Variants in HTR3B observed in about 807,000 individuals in gnomAD.
HTR3B encodes the protein 5-hydroxytryptamine (serotonin) receptor 3B, ionotropic.
A neutral mutation model predicts 42.8 loss-of-function variants in HTR3B; 44 were observed. The observed-to-expected ratio is 1.03, with a 90% confidence interval of 0.81 to 1.32. HTR3B has a LOEUF of 1.32. Ranked by LOEUF, HTR3B falls within the 40% of genes most tolerant of loss-of-function variation. The pLI is 0.00. For missense variants in HTR3B, 527 were observed against 536.5 expected, an observed-to-expected ratio of 0.98 and a Z score of 0.17; for synonymous variants, 203 against 209.0, an observed-to-expected ratio of 0.97 and a Z score of 0.25.
intron 4 of HTR3B, among the ~76,000 whole-genome samples, 154 bp downstream of exon 4, chr11:113,932,021 T>C (rs114388666): frequency 0.025 from 3,844 of 152,300 alleles, 174 homozygotes; most frequent in African/African-American, 0.088. Flanking sequence ...TGCCATGTGT[T>C]GACATTATTT....
At chr11:113,910,159 G>GA (rs1252641735) in intron 2 of HTR3B, among the ~76,000 whole-genome samples, 1 of 151,964 alleles carries the variant, frequency 6.6e-6, no homozygotes, top group Non-Finnish European at 1.5e-5. Context: ...TTAAAAGAGA[G>GA]AAAAAAATGC....
At chr11:113,914,514 G>T (rs1949832726) in intron 2 of HTR3B, among the ~76,000 whole-genome samples, 1 of 151,454 alleles carries the variant, frequency 6.6e-6, no homozygotes, top group South Asian at 2.1e-4. Context: ...AGACAGTCTT[G>T]CTCTGTTGCC....
At chr11:113,902,636 A>C (rs1175511254), upstream of HTR3B, among the ~76,000 whole-genome samples, 1 of 152,154 alleles carries the variant, frequency 6.6e-6, no homozygotes, top group Admixed American at 6.5e-5. Context: ...GGTCTTACAA[A>C]CAAGGACATT....
intron 2 of HTR3B, among the ~76,000 whole-genome samples, chr11:113,915,844 AT>A (rs767250014): frequency 6.6e-6 from 1 of 151,018 alleles, no homozygotes; most frequent in Admixed American, 6.6e-5. Context: ...CAATCTTTAA[AT>A]GTTTTTTTTT....
chr11:113,914,206 G>A (rs546712667), intron 2 of HTR3B, among the ~76,000 whole-genome samples: 58 of 151,964 alleles, frequency 3.8e-4, no homozygotes, highest in Non-Finnish European at 7.2e-4. Flanking sequence ...AGTGGCTTAC[G>A]CCTGTAATCC....
At chr11:113,918,744 C>T (rs569240416) in intron 2 of HTR3B, among the ~76,000 whole-genome samples, 178 of 151,742 alleles carry the variant, frequency 1.2e-3, no homozygotes, top group African/African-American at 3.0e-3. Context: ...GCAACCTCCA[C>T]GTTCTGGGTT....
At chr11:113,903,937 G>A (rs1949714414), upstream of HTR3B, among the ~76,000 whole-genome samples, 1 of 151,812 alleles carries the variant, frequency 6.6e-6, no homozygotes, top group Admixed American at 6.6e-5. Flanking sequence ...CTAAACAAAG[G>A]GACTGAGTGA....
At chr11:113,903,285 C>T (rs1949708200), upstream of HTR3B, among the ~76,000 whole-genome samples, 1 of 152,142 alleles carries the variant, frequency 6.6e-6, no homozygotes, top group Non-Finnish European at 1.5e-5. Flanking sequence ...CAAGACTATA[C>T]CGGAAGAGCT....
At chr11:113,906,704 G>C (rs571429767) in intron 1 of HTR3B, among the ~76,000 whole-genome samples, 11 of 152,158 alleles carry the variant, frequency 7.2e-5, no homozygotes, top group Non-Finnish European at 1.3e-4. Flanking sequence ...GACCAGCTGT[G>C]TGTAAATATC....
chr11:113,901,437 C>T (rs1225731472), upstream of HTR3B, among the ~76,000 whole-genome samples: 3 of 147,846 alleles, frequency 2.0e-5, no homozygotes, highest in Non-Finnish European at 4.5e-5. Context: ...TGAAACTCTG[C>T]CTCTTAGGGA....
intron 6 of HTR3B, 133 bp from the exon 7 acceptor site, chr11:113,942,849 G>C: frequency 1.4e-6 from 1 of 726,562 alleles, no homozygotes; most frequent in East Asian, 2.7e-5. Context: ...ATATTTCTAA[G>C]ATAAATTAGA....
At chr11:113,940,261 T>G (rs1274571527) in intron 6 of HTR3B, among the ~76,000 whole-genome samples, 2 of 152,156 alleles carry the variant, frequency 1.3e-5, no homozygotes, top group Non-Finnish European at 2.9e-5. Flanking sequence ...ATGTTTTTCT[T>G]CCCCTTTGTA....
Position 113,946,024 on chromosome 11 carries a change from T to G in HTR3B, c.1213T>G (p.Trp405Gly). Residue 405 changes from tryptophan (W) to glycine (G), a missense_variant, in exon 9 of 9, where the codon TGG (tryptophan) becomes GGG (glycine). By Grantham distance (184) the Trp-to-Gly change is radical. Transcript: ENST00000260191. The stretch of plus-strand genomic sequence containing the variant: ...CCAGACAGACCAACAGGAGGCAGAG[T>G]GGCTGGTCCTCCTGTCCCGCTTTGA... ...QDQTDQQEAE[W>G]LVLLSRFDRL... 1 of 1,613,820 alleles carries G rather than the reference T, an allele frequency of 6.2e-7. No homozygotes were observed. Among genetic ancestry groups the G allele is most frequent in the Non-Finnish European group, 8.5e-7 (1 of 1,179,900 alleles).
chr11:113,914,593 G>A (rs1200213797), intron 2 of HTR3B, among the ~76,000 whole-genome samples: 8 of 151,606 alleles, frequency 5.3e-5, no homozygotes, highest in South Asian at 2.1e-4. Flanking sequence ...AGCAATTCTC[G>A]TGCCTCAGCC....
intron 6 of HTR3B, 112 bp from the exon 7 acceptor site, chr11:113,942,870 A>C (rs1950146626): frequency 2.4e-6 from 2 of 831,078 alleles, no homozygotes; most frequent in Admixed American, 2.2e-5. Flanking sequence ...CAGATTTTTC[A>C]CATTATGCAA....
In HTR3B at chr11:113,948,986, C is replaced by T. The variant is rs1391433972; in HGVS notation, c.*2849C>T. 2.6e-5 allele frequency among the ~76,000 whole-genome samples: 4 copies of T among 152,088 alleles called. No individual in the cohort carries two copies. Among genetic ancestry groups the T allele is most frequent in the African/African-American group, 7.2e-5 (3 of 41,388 alleles). On this transcript the variant is annotated 3_prime_UTR_variant, in exon 9 of 9. Coordinates refer to ENST00000260191, the MANE Select transcript of HTR3B (RefSeq NM_006028.5). Reference sequence around the variant, plus strand: ...TGTATACATATGTAACAAACCTGCACGTTGTGCACATGTACCCTAAAACTT... The same window carrying T: ...TGTATACATATGTAACAAACCTGCATGTTGTGCACATGTACCCTAAAACTT...
At chr11:113,926,479 TTTCC>T (rs1949974777) in intron 2 of HTR3B, among the ~76,000 whole-genome samples, 1 of 124,240 alleles carries the variant, frequency 8.0e-6, no homozygotes, top group Non-Finnish European at 1.7e-5. Flanking sequence ...TTTCCTTTCC[TTTCC>T]TTTCCTTTCC....
Position 113,931,396 on chromosome 11 carries a change from C to A in HTR3B, c.226C>A (p.Gln76Lys). ...TTTTGCCTTGCAGGATGCAGAGAAT[C>A]AAATATTAAAGACAAGTGTATGGTA... ...HAILDVDAEN[Q>K]ILKTSVWYQE... The change falls in exon 3 of 9, where the codon CAA becomes AAA. Residue 76 changes from glutamine (Q) to lysine (K), a missense_variant. Physicochemically the swap from Gln to Lys is moderately conservative, Grantham distance 53 (BLOSUM62 1). Coordinates refer to ENST00000260191, the MANE Select transcript of HTR3B (RefSeq NM_006028.5). The A allele has an allele frequency of 1.2e-6, 2 of 1,601,010 alleles. No homozygotes were observed. The highest frequency in any genetic ancestry group is 1.7e-6 in the Non-Finnish European group (2 of 1,172,968).
At chr11:113,921,702 A>AT (rs1235041436) in intron 2 of HTR3B, among the ~76,000 whole-genome samples, 1 of 152,024 alleles carries the variant, frequency 6.6e-6, no homozygotes, top group African/African-American at 2.4e-5. Context: ...TTATATTAAT[A>AT]TTTTCCCTTG....
Sources: gnomAD v4.1 joint callset for allele counts (sites outside exome capture counted in the v4.1 genomes callset) on GRCh38, gnomAD v4.1.1 for gene constraint, MANE v1.5 for transcripts, NCBI Gene and HGNC (gene_info 2026-07-23, HGNC 2026-07-21) for gene names.